CEP170: variants seen among roughly 807,000 people sequenced by gnomAD.
The protein encoded by CEP170 is centrosomal protein 170.
In CEP170, 21 loss-of-function variants were observed where a neutral mutation model predicts 151.9. The observed-to-expected ratio is 0.14, with a 90% CI of 0.10 to 0.20. The LOEUF (loss-of-function observed/expected upper bound fraction) is 0.20. Among genes scored for constraint, CEP170 ranks in the 10% least tolerant of loss-of-function variants. The probability of loss-of-function intolerance (pLI) is 1.00; values close to 1 mark genes in which losing one functional copy is unlikely to be tolerated. For synonymous variants in CEP170, 356 were observed against 648.8 expected, an observed-to-expected ratio of 0.55 and a Z score of 6.86; for missense variants, 964 against 1,892.9, an observed-to-expected ratio of 0.51 and a Z score of 9.11.
chr1:243,158,535 AAGG>A, intron 13 of CEP170, among the ~76,000 whole-genome samples: 1 of 152,282 alleles, frequency 6.6e-6, no homozygotes. Flanking sequence ...ATGAAAGCAG[AAGG>A]AGAAATTGAG....
chr1:243,144,781 AT>A (rs1216261459), intron 14 of CEP170, among the ~76,000 whole-genome samples: 1 of 152,170 alleles, frequency 6.6e-6, no homozygotes, highest in Non-Finnish European at 1.5e-5. Flanking sequence ...TGAAAACCTA[AT>A]AGATATTTTC....
chr1:243,212,811 T>C (rs2061941779), intron 3 of CEP170, among the ~76,000 whole-genome samples: 1 of 152,056 alleles, frequency 6.6e-6, no homozygotes, highest in Admixed American at 6.6e-5. Context: ...TACAGGTGCA[T>C]GCTACCATGC....
At chr1:243,129,738 A>C (rs1165923065) in intron 17 of CEP170, among the ~76,000 whole-genome samples, 3 of 152,064 alleles carry the variant, frequency 2.0e-5, no homozygotes, top group Non-Finnish European at 4.4e-5. Context: ...ATGACCTCAA[A>C]ACTTTAATAT....
chr1:243,168,451 T>A (rs2058600901), intron 12 of CEP170: 1 of 152,040 alleles, frequency 6.6e-6, no homozygotes, highest in Non-Finnish European at 1.5e-5. Context: ...TTTTTAATTG[T>A]TTATTGTAAG....
At chr1:243,208,901 G>A (rs10926968) in intron 4 of CEP170, among the ~76,000 whole-genome samples, 118,997 of 151,424 alleles carry the variant, frequency 0.79, 47,750 homozygotes, top group East Asian at 0.93. Flanking sequence ...TGGCACATAG[G>A]AGACATTTAA....
At chr1:243,214,284 T>G (rs1335116314) in intron 3 of CEP170, among the ~76,000 whole-genome samples, 3 of 144,168 alleles carry the variant, frequency 2.1e-5, no homozygotes, top group Non-Finnish European at 3.0e-5. Flanking sequence ...TGTAAAGTTT[T>G]TTTTTTTTTT....
intron 1 of CEP170, among the ~76,000 whole-genome samples, chr1:243,241,540 A>T (rs1263201452): frequency 6.6e-6 from 1 of 152,220 alleles, no homozygotes; most frequent in South Asian, 2.1e-4. Context: ...CTGTAATCCC[A>T]GCACTTTGGG....
chr1:243,235,698 C>A (rs957097006), intron 1 of CEP170, among the ~76,000 whole-genome samples: 1 of 150,992 alleles, frequency 6.6e-6, no homozygotes, highest in Non-Finnish European at 1.5e-5. Flanking sequence ...AAAAAAAATT[C>A]TCATAAAAAT....
At chr1:243,194,949 T>C (rs1451114005) in intron 7 of CEP170, among the ~76,000 whole-genome samples, 6 of 151,900 alleles carry the variant, frequency 3.9e-5, no homozygotes, top group Non-Finnish European at 7.4e-5. Context: ...AGGTATTTTA[T>C]GACTGTGTTA....
chr1:243,126,439 C>T lies in CEP170; in HGVS notation c.*10G>A. 1 of 1,598,698 alleles carries T rather than the reference C, an allele frequency of 6.3e-7. No homozygotes were observed. The highest frequency in any genetic ancestry group is 8.5e-7 in the Non-Finnish European group (1 of 1,170,836). ...CCACAGGTAATGATTTTTCAACAAT[C>T]AAGAGAAAGTCATTCTTGTACTGTA... On this transcript the variant is annotated 3_prime_UTR_variant, in exon 20 of 20. Transcript: ENST00000366542.
In CEP170 at chr1:243,240,423, A is replaced by G. The variant is rs558622104; in HGVS notation, c.-42+14617T>C. Among the ~76,000 whole-genome samples the G allele has an allele frequency of 9.2e-5, 14 of 152,318 alleles. No individual in the cohort carries two copies. The South Asian group carries it at 1.7e-3, about 18-fold the overall frequency. On this transcript the variant is annotated intron_variant, in intron 1 of 19. Transcript: ENST00000366542. ...CACTTTGAAAGTGAAGCCGTTCACC[A>G]TCACGGTTAGACGTTCCACCTTATT... is the stretch of plus-strand genomic sequence containing the variant.
intron 19 of CEP170, 56 bp downstream of exon 19, chr1:243,128,193 G>T: frequency 6.9e-7 from 1 of 1,438,904 alleles, no homozygotes; most frequent in Non-Finnish European, 9.2e-7. Flanking sequence ...ATACCACTCA[G>T]AAGGCACTTA....
intron 1 of CEP170, among the ~76,000 whole-genome samples, chr1:243,253,755 G>A (rs1331003304): frequency 6.6e-6 from 1 of 152,020 alleles, no homozygotes; most frequent in East Asian, 1.9e-4. Flanking sequence ...TCTCTCTTCT[G>A]GTGTGTTTTA....
intron 12 of CEP170, among the ~76,000 whole-genome samples, chr1:243,168,992 CTTAT>C (rs1198492497): frequency 8.3e-6 from 1 of 120,572 alleles, no homozygotes; most frequent in South Asian, 3.2e-4. Flanking sequence ...TAAATTTTAA[CTTAT>C]ATATATATAA....
chr1:243,226,087 A>G (rs1399921420), intron 1 of CEP170, among the ~76,000 whole-genome samples: 4 of 144,794 alleles, frequency 2.8e-5, no homozygotes, highest in Admixed American at 7.0e-5. Context: ...AGATATAAAT[A>G]TATCTATATA....
chr1:243,171,055 A>T (rs1051148243), intron 11 of CEP170, among the ~76,000 whole-genome samples: 1 of 152,236 alleles, frequency 6.6e-6, no homozygotes, highest in South Asian at 2.1e-4. Flanking sequence ...AATTCCTACA[A>T]AGGAACCTAC....
chr1:243,247,262 T>G (rs2065495386), intron 1 of CEP170, among the ~76,000 whole-genome samples: 1 of 152,364 alleles, frequency 6.6e-6, no homozygotes, highest in African/African-American at 2.4e-5. Flanking sequence ...TTGCTTACTT[T>G]TCTACCTCAA....
intron 13 of CEP170, 107 bp downstream of exon 13, chr1:243,164,177 G>A: frequency 4.0e-6 from 5 of 1,265,672 alleles, no homozygotes; most frequent in Non-Finnish European, 5.0e-6. Context: ...TGTTTTGAAT[G>A]AGTATCTTGG....
rs549315968 is a variant in CEP170, at chr1:243,150,289, T to G, written c.3911+5932A>C. 6.6e-5 allele frequency among the ~76,000 whole-genome samples: 10 copies of G among 152,296 alleles called. No individual in the cohort carries two copies. The East Asian group carries it at 1.9e-3, about 29-fold the overall frequency. ...CCTCAGCCACCCGAGTAGCTGGGAT[T>G]ACAGGTGCATGCCATCACACCCGGC... On this transcript the variant is annotated intron_variant, in intron 14 of 19. Transcript: ENST00000366542.
Sources: gnomAD v4.1 joint callset for allele counts (sites outside exome capture counted in the v4.1 genomes callset) on GRCh38, gnomAD v4.1.1 for gene constraint, MANE v1.5 for transcripts, NCBI Gene and HGNC (gene_info 2026-07-23, HGNC 2026-07-21) for gene names.